The following NBEA variants were observed in gnomAD, a reference collection of about 807,000 sequenced individuals.
The protein encoded by NBEA is neurobeachin.
NBEA carries 44 observed loss-of-function variants against 343.4 expected under a neutral mutation model. The observed-to-expected ratio is 0.13, with a 90% confidence interval of 0.10 to 0.16. The LOEUF (loss-of-function observed/expected upper bound fraction) is 0.16, where lower values mean the gene tolerates loss of function less well. Ranked by LOEUF, NBEA falls within the 10% of genes least tolerant of loss-of-function variation. The pLI is 1.00. For synonymous variants in NBEA, 1,175 were observed against 1,238.7 expected, an observed-to-expected ratio of 0.95 and a Z score of 1.08; for missense variants, 2,555 against 3,631.3, an observed-to-expected ratio of 0.70 and a Z score of 7.62.
chr13:35,576,265 C>T (rs932396707), intron 45 of NBEA, among the ~76,000 whole-genome samples: 16 of 151,110 alleles, frequency 1.1e-4, no homozygotes, highest in Non-Finnish European at 8.9e-5. Context: ...TACATGTGCC[C>T]ACCTCCATGC....
Position 35,292,062 on chromosome 13 carries a change from TTTG to T in NBEA, c.5838+1615_5838+1617del, listed in dbSNP as rs1368564265. ...TTCTTTAAAATAGCTCCCAATTGTT[TTTG>T]TTATTTTCTGTTTAACTGAAATAAT... On this transcript the variant is annotated intron_variant, in intron 35 of 58. Transcript: ENST00000379939. Among the ~76,000 whole-genome samples, 9 of 152,146 alleles carry T rather than the reference TTTG, an allele frequency of 5.9e-5. No individual in the cohort carries two copies. In the East Asian group the frequency reaches 1.3e-3, roughly 23 times the overall value.
chr13:35,562,604 C>T (rs1272690304), intron 44 of NBEA, among the ~76,000 whole-genome samples: 2 of 151,978 alleles, frequency 1.3e-5, no homozygotes, highest in African/African-American at 4.8e-5. Flanking sequence ...TGAACAAGCC[C>T]TCCCTGGTTA....
chr13:35,084,688 T>C (rs557537629), intron 10 of NBEA, among the ~76,000 whole-genome samples: 94 of 150,456 alleles, frequency 6.2e-4, no homozygotes, highest in Non-Finnish European at 1.2e-3. Context: ...GAAGCAAGAG[T>C]AAACACATTC....
chr13:35,395,546 G>C (rs2042704297), intron 38 of NBEA, among the ~76,000 whole-genome samples: 1 of 151,926 alleles, frequency 6.6e-6, no homozygotes, highest in African/African-American at 2.4e-5. Context: ...CCAGTCTCAG[G>C]TATTTCTTTA....
chr13:35,556,296 G>T (rs1049563918), intron 44 of NBEA, among the ~76,000 whole-genome samples: 1 of 152,124 alleles, frequency 6.6e-6, no homozygotes, highest in South Asian at 2.1e-4. Context: ...GCATATTTAA[G>T]TAAATAGCAT....
chr13:35,111,206 G>A lies in NBEA; in HGVS notation c.2002+228G>A, dbSNP rs568915534. Among the ~76,000 whole-genome samples, 11 of 152,118 alleles carry A rather than the reference G, an allele frequency of 7.2e-5. No individual in the cohort carries two copies. The East Asian group carries it at 1.7e-3, about 24-fold the overall frequency. ...AAAAGCAACAATAGTCTTTATTTTAGCCTGTATGCTTTTTTTTCATTCAGG... is the reference window on the plus strand; with the variant it reads ...AAAAGCAACAATAGTCTTTATTTTAACCTGTATGCTTTTTTTTCATTCAGG... On this transcript the variant is annotated intron_variant, in intron 13 of 58. Coordinates refer to ENST00000379939, the MANE Select transcript of NBEA (RefSeq NM_001385012.1).
intron 33 of NBEA, among the ~76,000 whole-genome samples, chr13:35,216,462 G>C (rs1237924418): frequency 6.6e-6 from 1 of 151,904 alleles, no homozygotes; most frequent in Non-Finnish European, 1.5e-5. Flanking sequence ...ATCCTTTACA[G>C]ATGTTTCCCA....
At chr13:35,139,744 G>GT (rs36117821) in intron 17 of NBEA, among the ~76,000 whole-genome samples, 2,721 of 61,028 alleles carry the variant, frequency 0.045, 757 homozygotes, top group African/African-American at 0.14. Flanking sequence ...GATGGATGGC[G>GT]TTTTTTTTTT....
In NBEA at chr13:35,620,368, G is replaced by A. The variant is rs186759534; in HGVS notation, c.7450-7713G>A. The stretch of plus-strand genomic sequence containing the variant: ...GTAGGCCTGGAGGAGCAGAGGGAGG[G>A]AGCCAAGTGACTCTCTTGGGGAAAG... On this transcript the variant is annotated intron_variant, in intron 48 of 58. Coordinates refer to ENST00000379939, the MANE Select transcript of NBEA (RefSeq NM_001385012.1). 3.1e-3 allele frequency among the ~76,000 whole-genome samples: 468 copies of A among 152,126 alleles called. 1 individual carries two copies. Among genetic ancestry groups the A allele is most frequent in the African/African-American group, 0.011 (453 of 41,502 alleles).
intron 38 of NBEA, among the ~76,000 whole-genome samples, chr13:35,363,211 A>T (rs1204065506): frequency 6.6e-6 from 1 of 151,954 alleles, no homozygotes; most frequent in African/African-American, 2.4e-5. Context: ...CTCCAGGATT[A>T]GGTAGAAATT....
chr13:35,185,680 A>G (rs192532957), intron 30 of NBEA: 30 of 152,292 alleles, frequency 2.0e-4, no homozygotes, highest in African/African-American at 7.0e-4. Context: ...AAGTCTTGCT[A>G]TGAAAATAGT....
At chr13:35,217,679 C>A (rs947567399) in intron 33 of NBEA, among the ~76,000 whole-genome samples, 1 of 151,922 alleles carries the variant, frequency 6.6e-6, no homozygotes, top group Non-Finnish European at 1.5e-5. Flanking sequence ...TTTAGAGAGG[C>A]CTCTCTTCTT....
intron 29 of NBEA, 84 bp from the exon 30 acceptor site, chr13:35,183,892 A>T: frequency 1.1e-6 from 1 of 891,194 alleles, no homozygotes; most frequent in South Asian, 1.7e-5. Flanking sequence ...TTGCAGTAAT[A>T]CAGAATTGTC....
chr13:35,011,854 T>G (rs1407316315), intron 1 of NBEA, among the ~76,000 whole-genome samples: 3 of 152,234 alleles, frequency 2.0e-5, no homozygotes, highest in African/African-American at 7.2e-5. Context: ...AACTAAATTT[T>G]ATGACTATCC....
At chr13:35,188,243 C>T (rs1432208247) in intron 30 of NBEA, among the ~76,000 whole-genome samples, 3 of 149,078 alleles carry the variant, frequency 2.0e-5, no homozygotes, top group Non-Finnish European at 3.0e-5. Flanking sequence ...CATCACCTCA[C>T]GTATCATTTT....
chr13:35,644,270 T>C (rs1199833186), intron 49 of NBEA, among the ~76,000 whole-genome samples: 4 of 152,188 alleles, frequency 2.6e-5, no homozygotes, highest in Non-Finnish European at 5.9e-5. Context: ...CTCGTCTTTA[T>C]CCTGATGCCT....
intron 41 of NBEA, among the ~76,000 whole-genome samples, chr13:35,520,470 T>G (rs2077659209): frequency 1.3e-5 from 2 of 152,274 alleles, no homozygotes; most frequent in African/African-American, 4.8e-5. Flanking sequence ...GAGAAAGTTT[T>G]TATAGGATAA....
intron 31 of NBEA, among the ~76,000 whole-genome samples, chr13:35,207,728 C>G (rs367978711): frequency 2.0e-5 from 3 of 152,052 alleles, no homozygotes; most frequent in Non-Finnish European, 4.4e-5. Flanking sequence ...GTTAAAGAAA[C>G]CAAGGCTCAA....
At chr13:35,034,639 GT>G (rs1478634310) in intron 1 of NBEA, among the ~76,000 whole-genome samples, 1 of 151,720 alleles carries the variant, frequency 6.6e-6, no homozygotes, top group African/African-American at 2.4e-5. Context: ...TTCTTTAAAT[GT>G]TTGGTTAGAA....
Sources: allele counts gnomAD v4.1 joint callset (sites outside exome capture counted in the v4.1 genomes callset), GRCh38; gene constraint gnomAD v4.1.1; transcripts MANE v1.5; gene names NCBI Gene and HGNC (gene_info 2026-07-23, HGNC 2026-07-21).